Variants in PEX2 observed in about 807,000 individuals in gnomAD.
PEX2 encodes the protein peroxisomal biogenesis factor 2, also known as peroxisome biogenesis factor 2.
In PEX2, 19 loss-of-function variants were observed where a neutral mutation model predicts 25.2. The observed-to-expected ratio is 0.75, with a 90% CI of 0.53 to 1.10. The LOEUF (loss-of-function observed/expected upper bound fraction) is 1.10, where lower values mean the gene tolerates loss of function less well. Among genes scored for constraint, PEX2 ranks in the 50% least tolerant of loss-of-function variants. PEX2 has a pLI of 0.00. For synonymous variants in PEX2, 141 were observed against 127.7 expected (o/e 1.10, Z -0.70); for missense variants, 347 against 350.6 (o/e 0.99, Z 0.08).
chr8:77,000,190 A>G (rs962615697), upstream of PEX2: 3 of 302,790 alleles, frequency 9.9e-6, no homozygotes, highest in Non-Finnish European at 2.0e-5. Context: ...GGCGCTGCTG[A>G]AGGCACTGGA....
chr8:76,999,555 C>G (rs1467304769), intron 1 of PEX2, among the ~76,000 whole-genome samples: 1 of 152,172 alleles, frequency 6.6e-6, no homozygotes, highest in Non-Finnish European at 1.5e-5. Flanking sequence ...TGTTAGAAAA[C>G]TAAGCACTCA....
At chr8:77,000,723 C>T (rs143926681), upstream of PEX2, among the ~76,000 whole-genome samples, 901 of 152,318 alleles carry the variant, frequency 5.9e-3, 15 homozygotes, top group African/African-American at 0.02. Flanking sequence ...CCCGAGAGAC[C>T]CCGTAGAGCG....
chr8:76,999,636 T>C (rs368252014), intron 1 of PEX2, among the ~76,000 whole-genome samples: 6 of 152,336 alleles, frequency 3.9e-5, no homozygotes, highest in African/African-American at 1.4e-4. Flanking sequence ...TCCTCAATTC[T>C]TTATAAAGCC....
rs770958756 is a variant in PEX2 at position 76,983,340 on chromosome 8, C to A, written c.839G>T (p.Cys280Phe). The A allele has an allele frequency of 6.2e-7, 1 of 1,613,966 alleles. No individual in the cohort carries two copies. The highest frequency in any genetic ancestry group is 1.7e-5 in the Admixed American group (1 of 60,022). Residue 280 changes from cysteine (C) to phenylalanine (F), a missense_variant, in exon 4 of 4, where the codon TGT (cysteine) becomes TTT (phenylalanine). Cys to Phe is a radical substitution (Grantham distance 205). Transcript: ENST00000357039. ...GTGTACTTCTGTGCCACACTTAGGA[C>A]AAGTAAAGTACACGTCAAATAAGAA... ...SSFLFDVYFT[C>F]PKCGTEVHSL...
upstream of PEX2, among the ~76,000 whole-genome samples, chr8:77,000,680 C>T (rs1807486825): frequency 6.6e-6 from 1 of 152,192 alleles, no homozygotes; most frequent in Non-Finnish European, 1.5e-5. Context: ...AGGCAGGTAG[C>T]TGGCCCGTCA....
intron 2 of PEX2, among the ~76,000 whole-genome samples, chr8:76,986,821 ACTAC>A (rs1289578767): frequency 1.3e-5 from 2 of 152,130 alleles, no homozygotes; most frequent in African/African-American, 4.8e-5. Context: ...CTGTACATAA[ACTAC>A]TTTTAAATGG....
In PEX2 at chr8:76,983,986, A is replaced by C. The variant is rs774873674; in HGVS notation, c.193T>G (p.Trp65Gly). The C allele has an allele frequency of 1.2e-6, 2 of 1,614,182 alleles. No homozygotes were observed. The highest frequency in any genetic ancestry group is 8.5e-7 in the Non-Finnish European group (1 of 1,180,014). The change falls in exon 4 of 4, where the codon TGG (tryptophan) becomes GGG (glycine). Residue 65 changes from tryptophan to glycine, a missense_variant. Trp to Gly is a radical substitution (Grantham distance 184, BLOSUM62 -2). Coordinates refer to ENST00000357039, the MANE Select transcript of PEX2 (RefSeq NM_000318.3). ...TTTTTGGAGTAGATGGTGAATCTCCACAAGAAAACCCATAAGCACGCTTTC... is the reference window on the plus strand; with the variant it reads ...TTTTTGGAGTAGATGGTGAATCTCCCCAAGAAAACCCATAAGCACGCTTTC... ...EVKACLWVFL[W>G]RFTIYSKNAT...
chr8:76,985,972 A>G (rs1806990307), intron 3 of PEX2, among the ~76,000 whole-genome samples: 1 of 152,198 alleles, frequency 6.6e-6, no homozygotes, highest in South Asian at 2.1e-4. Flanking sequence ...AGTATCTTTG[A>G]CAACCAAAGT....
chr8:76,995,740 T>TAG (rs1646870361), intron 1 of PEX2, among the ~76,000 whole-genome samples: 1 of 152,202 alleles, frequency 6.6e-6, no homozygotes, highest in Non-Finnish European at 1.5e-5. Flanking sequence ...AGAAACCTGA[T>TAG]ACTTCTGAGT....
Position 76,983,184 on chromosome 8 carries a change from A to C in PEX2, c.*77T>G, listed in dbSNP as rs1806886702. The C allele has an allele frequency of 1.3e-6, 2 of 1,598,612 alleles. No homozygotes were observed. Among genetic ancestry groups the C allele is most frequent in the Non-Finnish European group, 1.7e-6 (2 of 1,179,246 alleles). ...CACATTCCTTATAAAGGATACATAAATGGTATACTTAGGATGACTAATATT... is the reference window on the plus strand; with the variant it reads ...CACATTCCTTATAAAGGATACATAACTGGTATACTTAGGATGACTAATATT... On this transcript the variant is annotated 3_prime_UTR_variant, in exon 4 of 4. Coordinates refer to ENST00000357039, the MANE Select transcript of PEX2 (RefSeq NM_000318.3).
At position 77,000,058 on chromosome 8, in the gene PEX2, T is replaced by C. The variant is rs1563614619; in HGVS notation, c.-228A>G. 2.3e-6 allele frequency: 1 copy of C among 431,310 alleles called. No individual in the cohort carries two copies. The highest frequency in any genetic ancestry group is 2.6e-5 in the Admixed American group (1 of 39,208). The allele number at this position is 431,310 out of a possible 1,614,324, so 26.7% of individuals were successfully genotyped here. A position where few individuals can be genotyped will look rare whatever the true frequency, so the allele number is the denominator to read the frequency against. Reference sequence around the variant, plus strand: ...GAAACATTCTCTGGAAAGCTTGTCTTTTCCTAGCCGAATCTGGATTACCAA... The same window carrying C: ...GAAACATTCTCTGGAAAGCTTGTCTCTTCCTAGCCGAATCTGGATTACCAA... On this transcript the variant is annotated 5_prime_UTR_variant, in exon 1 of 4. Transcript: ENST00000357039.
chr8:76,990,635 C>T, intron 1 of PEX2, among the ~76,000 whole-genome samples: 1 of 152,106 alleles, frequency 6.6e-6, no homozygotes, highest in East Asian at 1.9e-4. Context: ...GTCAGCAGAA[C>T]AGTCAGAACA....
At chr8:77,000,453 C>A (rs555922607), upstream of PEX2, among the ~76,000 whole-genome samples, 458 of 152,032 alleles carry the variant, frequency 3.0e-3, 4 homozygotes, top group African/African-American at 0.011. Context: ...GGGCCTCTGG[C>A]AGGCGCCGCC....
intron 1 of PEX2, among the ~76,000 whole-genome samples, chr8:76,995,855 C>T (rs1807310643): frequency 2.6e-5 from 4 of 152,026 alleles, no homozygotes; most frequent in Admixed American, 2.6e-4. Context: ...CCCAGGTTCA[C>T]TAACAGATTG....
At chr8:76,993,474 G>A (rs1374437302) in intron 1 of PEX2, among the ~76,000 whole-genome samples, 3 of 152,158 alleles carry the variant, frequency 2.0e-5, no homozygotes, top group Non-Finnish European at 4.4e-5. Flanking sequence ...AATTCCCAGT[G>A]CTTTTGGTAA....
rs1806910939 is a variant in PEX2 at position 76,983,689 on chromosome 8, C to T, written c.490G>A (p.Ala164Thr). 6.2e-7 allele frequency: 1 copy of T among 1,613,942 alleles called. No individual in the cohort carries two copies. The highest frequency in any genetic ancestry group is 8.5e-7 in the Non-Finnish European group (1 of 1,180,010). Residue 164 changes from alanine to threonine, a missense_variant, in exon 4 of 4, where the codon GCA (alanine) becomes ACA (threonine). By Grantham distance (58) the Ala-to-Thr change is moderately conservative (BLOSUM62 0). Coordinates refer to ENST00000357039, the MANE Select transcript of PEX2 (RefSeq NM_000318.3). ...CCTAGGAGACGTTCTGTCAAAGTTG[C>T]AAACTTTCCCCTCTGAAGGAAAATC... ...FLIFLQRGKF[A>T]TLTERLLGIH...
rs1258313350 is a variant in PEX2, at chr8:76,999,983, C to A, written c.-160+7G>T. The A allele has an allele frequency of 2.2e-6, 1 of 456,686 alleles. No homozygotes were observed. The highest frequency in any genetic ancestry group is 4.4e-6 in the Non-Finnish European group (1 of 226,966). 28.3% of individuals were successfully genotyped at this position (456,686 alleles called of 1,614,324 possible). A position where few individuals can be genotyped will look rare whatever the true frequency, so the allele number is the denominator to read the frequency against. ...TTGCACTCCGGCTCTCTAGGGCAGA[C>A]ACTGACCTTAGGAGTCTGCGAAACG... is the stretch of plus-strand genomic sequence containing the variant. On this transcript the variant is annotated splice_region_variant and intron_variant, in intron 1 of 3. Coordinates refer to ENST00000357039, the MANE Select transcript of PEX2 (RefSeq NM_000318.3).
At chr8:76,992,084 C>A (rs1427639722) in intron 1 of PEX2, among the ~76,000 whole-genome samples, 2 of 152,066 alleles carry the variant, frequency 1.3e-5, no homozygotes, top group African/African-American at 4.8e-5. Flanking sequence ...CATAATGTCA[C>A]CCTTATGTGT....
In PEX2 at chr8:76,980,477, C is replaced by A. The variant is rs1226373731; in HGVS notation, c.*2784G>T. The A allele has an allele frequency of 6.6e-6, 1 of 152,190 alleles. No homozygotes were observed. The highest frequency in any genetic ancestry group is 1.5e-5 in the Non-Finnish European group (1 of 68,040). The allele number at this position is 152,190 out of a possible 1,614,324, so 9.4% of individuals were successfully genotyped here. A position where few individuals can be genotyped will look rare whatever the true frequency, so the allele number is the denominator to read the frequency against. ...CACCTCAGTTTCCTGTGGTGAACGG[C>A]CTCCTCCAGGACTCCTTTAGGTTCA... On this transcript the variant is annotated 3_prime_UTR_variant, in exon 4 of 4. Transcript: ENST00000357039.
Sources: gnomAD v4.1 joint callset for allele counts (sites outside exome capture counted in the v4.1 genomes callset) on GRCh38, gnomAD v4.1.1 for gene constraint, MANE v1.5 for transcripts, NCBI Gene and HGNC (gene_info 2026-07-23, HGNC 2026-07-21) for gene names.